Variants in ZNF625 observed in about 807,000 individuals in gnomAD.
ZNF625 encodes zinc finger protein 625.
A neutral mutation model predicts 11.1 loss-of-function variants in ZNF625; 8 were observed. The ratio of observed to expected loss-of-function variants is 0.72; its 90% CI spans 0.42 to 1.30. The LOEUF (loss-of-function observed/expected upper bound fraction) is 1.30. Ranked by LOEUF, ZNF625 falls within the 50% of genes most tolerant of loss-of-function variation. The probability of loss-of-function intolerance (pLI) is 0.01; values close to 1 mark genes in which losing one functional copy is unlikely to be tolerated. For missense variants in ZNF625, 349 were observed against 447.6 expected (o/e 0.78, Z 1.99); for synonymous variants, 145 against 153.4 (o/e 0.95, Z 0.41).
intron 2 of ZNF625, 68 bp from the exon 3 acceptor site, chr19:12,147,523 T>C: frequency 6.6e-7 from 1 of 1,514,260 alleles, no homozygotes; most frequent in Non-Finnish European, 9.0e-7. Context: ...AGATTCTAAG[T>C]TCATGGTACA....
In ZNF625 at chr19:12,146,215, C is replaced by T; in HGVS notation, c.201G>A (p.Met67Ile). 1 of 1,613,182 alleles carries T rather than the reference C, an allele frequency of 6.2e-7. No individual in the cohort carries two copies. The highest frequency in any genetic ancestry group is 1.1e-5 in the South Asian group (1 of 91,026). The stretch of plus-strand genomic sequence containing the variant: ...TCTTACTTTCTAAGAGTCTCTCTCC[C>T]ATAAGACCTCTGTGAACAATGAGAA... ...KNPRRNLRGL[M>I]GERLLESKKD... Residue 67 changes from methionine to isoleucine, a missense_variant, in exon 4 of 4, where the codon ATG (methionine) becomes ATA (isoleucine). Physicochemically the swap from Met to Ile is conservative, Grantham distance 10. Transcript: ENST00000439556.
At chr19:12,154,359 C>A (rs1253621987) in intron 1 of ZNF625, among the ~76,000 whole-genome samples, 1 of 152,120 alleles carries the variant, frequency 6.6e-6, no homozygotes, top group Non-Finnish European at 1.5e-5. Context: ...TGCAACCACA[C>A]CTGTCTAATT....
chr19:12,151,147 T>A (rs1976948570), intron 1 of ZNF625, among the ~76,000 whole-genome samples: 1 of 152,044 alleles, frequency 6.6e-6, no homozygotes, highest in South Asian at 2.1e-4. Context: ...CTATAAACCA[T>A]GCAGTAACCA....
In ZNF625 at chr19:12,156,550, A is replaced by G. The variant is rs1977030653; in HGVS notation, c.3+6T>C. ...CGTCTCGGGACCCCCGGCCCCGCAC[A>G]CTCACCATTTCCCGGCTTCCAGGTG... On this transcript the variant is annotated splice_donor_region_variant and intron_variant, in intron 1 of 3. Transcript: ENST00000439556. The G allele has an allele frequency of 1.4e-6, 2 of 1,423,902 alleles. No homozygotes were observed. The highest frequency in any genetic ancestry group is 1.8e-6 in the Non-Finnish European group (2 of 1,086,978). The allele number at this position is 1,423,902 out of a possible 1,614,324, so 88.2% of individuals were successfully genotyped here.
In ZNF625 at chr19:12,145,113, T is replaced by G. The variant is rs1244261247; in HGVS notation, c.*184A>C. On this transcript the variant is annotated 3_prime_UTR_variant, in exon 4 of 4. Transcript: ENST00000439556. ...CAACTCTGTGTCCTAGGTATCTGAG[T>G]GAGGCCCCAGCTAAACTACTCCCAA... 1.5e-6 allele frequency: 1 copy of G among 661,650 alleles called. No homozygotes were observed. Among genetic ancestry groups the G allele is most frequent in the Non-Finnish European group, 2.7e-6 (1 of 375,744 alleles). 41.0% of individuals were successfully genotyped at this position (661,650 alleles called of 1,614,324 possible).
chr19:12,153,992 A>T (rs954116847), intron 1 of ZNF625, among the ~76,000 whole-genome samples: 4 of 151,534 alleles, frequency 2.6e-5, no homozygotes, highest in Non-Finnish European at 5.9e-5. Flanking sequence ...TATTTTTAGT[A>T]GAGACGGGGT....
rs760022696 is a variant in ZNF625, at chr19:12,145,548, C to T, written c.868G>A (p.Val290Ile). ...CGKAFVSFNS[V>I]RYHERTHTGE... is the part of the protein sequence containing the mutation. ...GTGTGAGTTCTTTCATGATATCGAA[C>T]GGAATTGAAAGAAACAAAGGCTTTC... is the stretch of plus-strand genomic sequence containing the variant. Residue 290 changes from valine (V) to isoleucine (I), a missense_variant, in exon 4 of 4, where the codon GTT becomes ATT. Coordinates refer to ENST00000439556, the MANE Select transcript of ZNF625 (RefSeq NM_145233.4). 18 of 1,606,776 alleles carry T rather than the reference C, an allele frequency of 1.1e-5. No homozygotes were observed. Among genetic ancestry groups the T allele is most frequent in the Admixed American group, 3.3e-5 (2 of 59,786 alleles).
In ZNF625 at chr19:12,145,969, G is replaced by A. The variant is rs1976865287; in HGVS notation, c.447C>T (p.Tyr149=). The change falls in exon 4 of 4, where the codon TAC becomes TAT. Residue 149 remains tyrosine, a synonymous_variant. Coordinates refer to ENST00000439556, the MANE Select transcript of ZNF625 (RefSeq NM_145233.4). The part of the protein sequence containing the change: ...YCKKAFSDLP[Y]FRTHEWAHTG... ...TGTGAGCCCATTCATGTGTTCGAAAGTAGGGGAGATCACTGAAGGCTTTCT... is the reference window on the plus strand; with the variant it reads ...TGTGAGCCCATTCATGTGTTCGAAAATAGGGGAGATCACTGAAGGCTTTCT... 6.2e-7 allele frequency: 1 copy of A among 1,614,188 alleles called. No individual in the cohort carries two copies. The highest frequency in any genetic ancestry group is 8.5e-7 in the Non-Finnish European group (1 of 1,180,044).
rs1021159565 is a variant in ZNF625 at position 12,149,348 on chromosome 19, T to C, written c.4-1546A>G. On this transcript the variant is annotated intron_variant, in intron 1 of 3. Transcript: ENST00000439556. ...ATCAATCCACCTGTCCATTCATTGA[T>C]TGCTGAATGAATAACAAAAATGTGA... Among the ~76,000 whole-genome samples, 10 of 151,080 alleles carry C rather than the reference T, an allele frequency of 6.6e-5. No homozygotes were observed. In the South Asian group the frequency reaches 1.0e-3, roughly 16 times the overall value.
In ZNF625 at chr19:12,145,983, T is replaced by G. The variant is rs368401338; in HGVS notation, c.433A>C (p.Ser145Arg). The part of the protein sequence containing the change: ...YKCTYCKKAF[S>R]DLPYFRTHEW... ...TGTGTTCGAAAGTAGGGGAGATCAC[T>G]GAAGGCTTTCTTACAGTATGTACAT... is the stretch of plus-strand genomic sequence containing the variant. The change falls in exon 4 of 4, where the codon AGT becomes CGT. Residue 145 changes from serine to arginine, a missense_variant. Coordinates refer to ENST00000439556, the MANE Select transcript of ZNF625 (RefSeq NM_145233.4). The G allele has an allele frequency of 2.2e-5, 35 of 1,614,120 alleles. No homozygotes were observed. Among genetic ancestry groups the G allele is most frequent in the Non-Finnish European group, 2.8e-5 (33 of 1,180,056 alleles).
At position 12,151,849 on chromosome 19, in the gene ZNF625, A is replaced by G. The variant is rs533394253; in HGVS notation, c.4-4047T>C. On this transcript the variant is annotated intron_variant, in intron 1 of 3. Transcript: ENST00000439556. ...ATTTCTTCATTGTGTCTTTCAAAAC[A>G]GAAAAGCTTAAATTTTAATGTAGTC... Among the ~76,000 whole-genome samples, 304 of 152,268 alleles carry G rather than the reference A, an allele frequency of 2.0e-3. 1 individual carries two copies. Among genetic ancestry groups the G allele is most frequent in the African/African-American group, 6.8e-3 (283 of 41,566 alleles).
Position 12,145,369 on chromosome 19 carries a change from A to G in ZNF625, c.1047T>C (p.His349=), listed in dbSNP as rs767415818. 1.2e-6 allele frequency: 2 copies of G among 1,614,172 alleles called. No homozygotes were observed. Among genetic ancestry groups the G allele is most frequent in the Admixed American group, 1.7e-5 (1 of 60,002 alleles). The part of the protein sequence containing the change: ...AFGCASSVKI[H]ERTHTGEKPC... ...GTTTTTCTCCAGTGTGAGTCCTTTC[A>G]TGGATTTTAACGCTCGAGGCACATC... The change falls in exon 4 of 4, where the codon CAT becomes CAC. Residue 349 remains histidine, a synonymous_variant. Coordinates refer to ENST00000439556, the MANE Select transcript of ZNF625 (RefSeq NM_145233.4).
chr19:12,146,321 C>A, intron 3 of ZNF625, 97 bp from the exon 4 acceptor site: 1 of 1,172,246 alleles, frequency 8.5e-7, no homozygotes. Flanking sequence ...CACTGTACAG[C>A]AATGTGTAGG....
chr19:12,155,898 C>T (rs1020953076), intron 1 of ZNF625, among the ~76,000 whole-genome samples: 5 of 152,170 alleles, frequency 3.3e-5, no homozygotes, highest in Admixed American at 2.6e-4. Context: ...GTCGCCCAGG[C>T]TGGAGTGCAG....
At chr19:12,151,415 C>A in intron 1 of ZNF625, among the ~76,000 whole-genome samples, 1 of 145,262 alleles carries the variant, frequency 6.9e-6, no homozygotes, top group South Asian at 2.2e-4. Flanking sequence ...GAGTCTCGCT[C>A]TGTCGCCCAG....
chr19:12,145,814 A>G lies in ZNF625; in HGVS notation c.602T>C (p.Met201Thr). The change falls in exon 4 of 4, where the codon ATG becomes ACG. Residue 201 changes from methionine to threonine, a missense_variant. Coordinates refer to ENST00000439556, the MANE Select transcript of ZNF625 (RefSeq NM_145233.4). ...GTGGATAAGATACAAACTGAGACAC[A>G]TCAAGGCTTTCCCACAAAAGTTACA... ...YKCNFCGKAL[M>T]CLSLYLIHKR... is the part of the protein sequence containing the mutation. 1 of 1,614,206 alleles carries G rather than the reference A, an allele frequency of 6.2e-7. No homozygotes were observed. Among genetic ancestry groups the G allele is most frequent in the African/African-American group, 1.3e-5 (1 of 75,052 alleles).
intron 1 of ZNF625, among the ~76,000 whole-genome samples, chr19:12,149,880 C>A (rs1399918097): frequency 6.6e-6 from 1 of 152,078 alleles, no homozygotes; most frequent in Non-Finnish European, 1.5e-5. Flanking sequence ...GATGGGATTA[C>A]AGGCATGCAC....
chr19:12,151,438 T>C (rs1599442937), intron 1 of ZNF625, among the ~76,000 whole-genome samples: 1 of 149,748 alleles, frequency 6.7e-6, no homozygotes, highest in East Asian at 2.0e-4. Context: ...TGGAGTGCAG[T>C]GGCACGATCT....
intron 1 of ZNF625, among the ~76,000 whole-genome samples, chr19:12,148,769 C>T (rs1037370004): frequency 2.0e-5 from 3 of 151,322 alleles, no homozygotes; most frequent in Non-Finnish European, 2.9e-5. Context: ...TACAGGCGCC[C>T]GCCACCATGC....
Sources: allele counts gnomAD v4.1 joint callset (sites outside exome capture counted in the v4.1 genomes callset), GRCh38; gene constraint gnomAD v4.1.1; transcripts MANE v1.5; gene names NCBI Gene and HGNC (gene_info 2026-07-23, HGNC 2026-07-21).